The following CFDP1 variants were observed in gnomAD, a reference collection of about 807,000 sequenced individuals.
CFDP1 encodes chromatin remodeling protein CFDP1, also known as heterochromatin-stabilizing protein CFDP1.
Under a neutral mutation model 40.1 loss-of-function variants are expected in CFDP1, and 31 were observed. The ratio of observed to expected loss-of-function variants is 0.77; its 90% CI spans 0.58 to 1.04. The LOEUF (loss-of-function observed/expected upper bound fraction) is 1.04. CFDP1 is among the 50% of genes least tolerant of loss of function. CFDP1 has a pLI of 0.00. For synonymous variants in CFDP1, 167 were observed against 120.0 expected (o/e 1.39, Z -2.56); for missense variants, 423 against 343.4 (o/e 1.23, Z -1.83).
chr16:75,333,366 G>A (rs566041125), intron 5 of CFDP1, among the ~76,000 whole-genome samples: 47 of 151,964 alleles, frequency 3.1e-4, no homozygotes, highest in African/African-American at 8.7e-4. Flanking sequence ...CTCGTGATCC[G>A]CCCGCCTCGG....
intron 5 of CFDP1, chr16:75,391,454 G>A (rs1597376676): frequency 6.6e-6 from 1 of 152,210 alleles, no homozygotes; most frequent in Non-Finnish European, 1.5e-5. Context: ...AATTCAGGTT[G>A]CAGTTGATTG....
chr16:75,366,880 T>C (rs1320827067), intron 5 of CFDP1, among the ~76,000 whole-genome samples: 2 of 152,012 alleles, frequency 1.3e-5, no homozygotes, highest in African/African-American at 2.4e-5. Flanking sequence ...AAATTTACTA[T>C]AGGCCGGGTG....
intron 5 of CFDP1, among the ~76,000 whole-genome samples, chr16:75,308,202 T>A (rs1191992773): frequency 6.6e-6 from 1 of 152,204 alleles, no homozygotes; most frequent in African/African-American, 2.4e-5. Context: ...AGCTGGTGGT[T>A]AAACGGCCAG....
intron 1 of CFDP1, among the ~76,000 whole-genome samples, chr16:75,420,591 C>G (rs977870080): frequency 1.3e-5 from 2 of 152,102 alleles, no homozygotes; most frequent in Non-Finnish European, 2.9e-5. Context: ...TAGTATTGAA[C>G]TCAACTGTGA....
rs545405802 is a variant in CFDP1 at position 75,416,148 on chromosome 16, G to A, written c.65-1453C>T. Among the ~76,000 whole-genome samples the A allele has an allele frequency of 2.6e-5, 4 of 152,074 alleles. No individual in the cohort carries two copies. In the South Asian group the frequency reaches 6.2e-4, roughly 24 times the overall value. ...ATTACAGACAGGAGCCACCGCACAC[G>A]GCCTCCAATCAGCTTTTAAATACTT... On this transcript the variant is annotated intron_variant, in intron 1 of 6. Transcript: ENST00000283882.
At chr16:75,304,043 C>G (rs1338086274) in intron 6 of CFDP1, among the ~76,000 whole-genome samples, 1 of 133,866 alleles carries the variant, frequency 7.5e-6, no homozygotes, top group Non-Finnish European at 1.6e-5. Context: ...AACACCTTTT[C>G]TTTCTTTTCT....
At chr16:75,351,072 C>T (rs868233200) in intron 5 of CFDP1, among the ~76,000 whole-genome samples, 4 of 152,040 alleles carry the variant, frequency 2.6e-5, no homozygotes, top group Admixed American at 6.6e-5. Context: ...TACAATAGGT[C>T]AATGTATGTA....
intron 1 of CFDP1, among the ~76,000 whole-genome samples, chr16:75,426,094 T>C (rs888526858): frequency 2.3e-5 from 3 of 131,326 alleles, no homozygotes; most frequent in African/African-American, 5.9e-5. Context: ...CTTATGCCTA[T>C]AATCCCAACA....
At chr16:75,374,866 C>A (rs1347907354) in intron 5 of CFDP1, among the ~76,000 whole-genome samples, 1 of 151,942 alleles carries the variant, frequency 6.6e-6, no homozygotes, top group Non-Finnish European at 1.5e-5. Flanking sequence ...TGTATTTATA[C>A]CTATAGCACA....
At chr16:75,303,420 T>TATGTATGTATGTATGTATGC (rs2078236206) in intron 6 of CFDP1, among the ~76,000 whole-genome samples, 1 of 151,656 alleles carries the variant, frequency 6.6e-6, no homozygotes, top group Non-Finnish European at 1.5e-5. Context: ...TGTATGTATG[T>TATGTATGTATGTATGTATGC]ATGTATGTTT....
intron 5 of CFDP1, among the ~76,000 whole-genome samples, chr16:75,393,063 G>C (rs1255369943): frequency 6.6e-6 from 1 of 152,212 alleles, no homozygotes; most frequent in Non-Finnish European, 1.5e-5. Context: ...GCATCTTACA[G>C]CAAGCACGTG....
chr16:75,345,155 A>G (rs975644178), intron 5 of CFDP1, among the ~76,000 whole-genome samples: 2 of 151,758 alleles, frequency 1.3e-5, no homozygotes, highest in African/African-American at 4.8e-5. Flanking sequence ...GCAAGACCCC[A>G]TCACTACAAA....
chr16:75,420,530 A>C (rs1427669081), intron 1 of CFDP1, among the ~76,000 whole-genome samples: 5 of 152,182 alleles, frequency 3.3e-5, no homozygotes, highest in Admixed American at 6.6e-5. Flanking sequence ...TAGAAAGGGG[A>C]GTGTGCTAGA....
chr16:75,349,753 C>T (rs1179183239), intron 5 of CFDP1, among the ~76,000 whole-genome samples: 1 of 131,124 alleles, frequency 7.6e-6, no homozygotes, highest in Admixed American at 8.5e-5. Context: ...TGTAACCTTG[C>T]TGAACTTGTT....
At chr16:75,383,692 G>C (rs1171025008) in intron 5 of CFDP1, among the ~76,000 whole-genome samples, 1 of 151,964 alleles carries the variant, frequency 6.6e-6, no homozygotes, top group Non-Finnish European at 1.5e-5. Context: ...GGTGGTGGGC[G>C]CCTTTAGTCC....
At chr16:75,308,207 G>A (rs962148025) in intron 5 of CFDP1, among the ~76,000 whole-genome samples, 2 of 152,184 alleles carry the variant, frequency 1.3e-5, no homozygotes, top group African/African-American at 2.4e-5. Context: ...GTGGTTAAAC[G>A]GCCAGCCTCC....
intron 5 of CFDP1, among the ~76,000 whole-genome samples, chr16:75,320,899 A>G (rs986559642): frequency 7.9e-5 from 12 of 152,224 alleles, no homozygotes; most frequent in South Asian, 4.1e-4. Context: ...CAAGAACCCA[A>G]ATATAAGCTA....
Position 75,293,859 on chromosome 16 carries a change from C to A in CFDP1, c.*93G>T. 2 of 1,001,772 alleles carry A rather than the reference C, an allele frequency of 2.0e-6. No individual in the cohort carries two copies. The highest frequency in any genetic ancestry group is 1.5e-6 in the Non-Finnish European group (1 of 663,870). The allele number at this position is 1,001,772 out of a possible 1,614,324, so 62.1% of individuals were successfully genotyped here. A position where few individuals can be genotyped will look rare whatever the true frequency, so the allele number is the denominator to read the frequency against. On this transcript the variant is annotated 3_prime_UTR_variant, in exon 7 of 7. Coordinates refer to ENST00000283882, the MANE Select transcript of CFDP1 (RefSeq NM_006324.3). ...AAAAAAAAAAGACCTTGCTGGGAAACAGATGATGAGAAACACTGTAAAACA... is the reference window on the plus strand; with the variant it reads ...AAAAAAAAAAGACCTTGCTGGGAAAAAGATGATGAGAAACACTGTAAAACA...
intron 5 of CFDP1, among the ~76,000 whole-genome samples, chr16:75,353,610 G>A (rs1348870831): frequency 2.6e-5 from 4 of 151,968 alleles, no homozygotes; most frequent in South Asian, 2.1e-4. Context: ...TTAGCTGGGC[G>A]CGGTGGCGGG....
Sources: gnomAD v4.1 joint callset for allele counts (sites outside exome capture counted in the v4.1 genomes callset) on GRCh38, gnomAD v4.1.1 for gene constraint, MANE v1.5 for transcripts, NCBI Gene and HGNC (gene_info 2026-07-23, HGNC 2026-07-21) for gene names.